Variants in EDA observed in about 807,000 individuals in gnomAD.
The protein encoded by EDA is ectodysplasin-A.
EDA carries 2 observed loss-of-function variants against 23.6 expected under a neutral mutation model. The ratio of observed to expected loss-of-function variants is 0.08; its 90% CI spans 0.03 to 0.27. The LOEUF is 0.27. Ranked by LOEUF, EDA falls within the 10% of genes least tolerant of loss-of-function variation. The pLI, the probability that EDA is intolerant of heterozygous loss-of-function variation, is 1.00. For missense variants in EDA, 229 were observed against 324.2 expected (o/e 0.71, Z 2.26); for synonymous variants, 131 against 132.0 (o/e 0.99, Z 0.05).
intron 1 of EDA, among the ~76,000 whole-genome samples, chrX:69,691,252 A>G (rs758326535): frequency 1.8e-5 from 2 of 111,723 alleles, no homozygotes; most frequent in African/African-American, 3.2e-5. Flanking sequence ...TGCCTTTAAA[A>G]TTAGATGAAT....
chrX:69,661,331 G>A lies in EDA; in HGVS notation c.396+44627G>A, dbSNP rs961692246. Among the ~76,000 whole-genome samples, 3 of 102,519 alleles carry A rather than the reference G, an allele frequency of 2.9e-5. No individual in the cohort carries two copies. In the East Asian group the frequency reaches 9.8e-4, roughly 33 times the overall value. The allele number at this position is 102,519 out of a possible 115,157, so 89.0% of individuals were successfully genotyped here. A position where few individuals can be genotyped will look rare whatever the true frequency, so the allele number is the denominator to read the frequency against. On this transcript the variant is annotated intron_variant, in intron 1 of 7. Coordinates refer to ENST00000374552, the MANE Select transcript of EDA (RefSeq NM_001399.5). The stretch of plus-strand genomic sequence containing the variant: ...CTCTGATGGTAGTTTCTTTTGCTGT[G>A]CAGAAGCTCTTTAGTTTAATTAGAT...
chrX:69,671,929 A>C (rs1187456756), intron 1 of EDA, among the ~76,000 whole-genome samples: 3 of 112,169 alleles, frequency 2.7e-5, no homozygotes, highest in Non-Finnish European at 5.6e-5. Context: ...AGAGACACTT[A>C]TATAAAGTTT....
At chrX:70,019,970 T>C (rs2020007215) in intron 2 of EDA, among the ~76,000 whole-genome samples, 1 of 111,645 alleles carries the variant, frequency 9.0e-6, no homozygotes, top group African/African-American at 3.3e-5. Flanking sequence ...AGGGAAAAAA[T>C]ATAAAAATTT....
intron 1 of EDA, among the ~76,000 whole-genome samples, chrX:69,625,641 C>T (rs1932355010): frequency 9.0e-6 from 1 of 110,827 alleles, no homozygotes; most frequent in Admixed American, 9.6e-5. Flanking sequence ...AAAAGATGAA[C>T]TTAGATACTC....
At chrX:69,787,481 G>A (rs1265092305) in intron 1 of EDA, among the ~76,000 whole-genome samples, 6 of 102,632 alleles carry the variant, frequency 5.8e-5, no homozygotes, top group African/African-American at 1.0e-4. Context: ...TTTTAGGGCA[G>A]GCCTGGTGGT....
intron 1 of EDA, among the ~76,000 whole-genome samples, chrX:69,701,469 G>GC (rs2011531639): frequency 8.9e-6 from 1 of 112,345 alleles, no homozygotes; most frequent in Non-Finnish European, 1.9e-5. Context: ...CCTTGGGCCT[G>GC]CAGGGCCCCT....
intron 1 of EDA, among the ~76,000 whole-genome samples, chrX:69,893,103 G>C (rs772476159): frequency 3.6e-4 from 40 of 111,349 alleles, no homozygotes; most frequent in African/African-American, 1.3e-3. Context: ...TTCTGAAGGA[G>C]AATCTGTTCA....
chrX:69,618,572 G>A (rs1267852058), intron 1 of EDA, among the ~76,000 whole-genome samples: 1 of 111,610 alleles, frequency 9.0e-6, no homozygotes, highest in African/African-American at 3.3e-5. Context: ...AAAGTGACTT[G>A]CCCAAGGTCA....
At chrX:69,736,343 C>A (rs2013257014) in intron 1 of EDA, among the ~76,000 whole-genome samples, 1 of 110,513 alleles carries the variant, frequency 9.0e-6, no homozygotes, top group African/African-American at 3.3e-5. Context: ...TGTTTGTTTT[C>A]ATTTTTGTTT....
At chrX:69,809,229 A>G (rs1016444628) in intron 1 of EDA, among the ~76,000 whole-genome samples, 2 of 111,826 alleles carry the variant, frequency 1.8e-5, no homozygotes, top group African/African-American at 6.5e-5. Flanking sequence ...ATTTATGGAA[A>G]AAAAGAGGTT....
chrX:69,739,306 A>G (rs1246500426), intron 1 of EDA, among the ~76,000 whole-genome samples: 1 of 111,111 alleles, frequency 9.0e-6, no homozygotes, highest in Non-Finnish European at 1.9e-5. Context: ...TGCCACTCCA[A>G]CATTTTTATG....
chrX:69,690,121 G>T (rs967697622), intron 1 of EDA, among the ~76,000 whole-genome samples: 18 of 111,186 alleles, frequency 1.6e-4, no homozygotes, highest in African/African-American at 3.9e-4. Flanking sequence ...TGCAAACAGA[G>T]AGAGTTTTCT....
At chrX:69,954,663 G>T (rs1009914042) in intron 1 of EDA, among the ~76,000 whole-genome samples, 2 of 111,588 alleles carry the variant, frequency 1.8e-5, no homozygotes, top group African/African-American at 3.3e-5. Context: ...CTATTACGGG[G>T]TTTTTTTAGT....
chrX:69,988,958 AC>A (rs1261036089), intron 2 of EDA, among the ~76,000 whole-genome samples: 2 of 111,622 alleles, frequency 1.8e-5, no homozygotes, highest in Non-Finnish European at 3.8e-5. Flanking sequence ...GGAAAGCTGA[AC>A]CCCCACACCC....
chrX:69,689,557 G>C (rs898520649), intron 1 of EDA, among the ~76,000 whole-genome samples: 3 of 110,289 alleles, frequency 2.7e-5, no homozygotes, highest in Non-Finnish European at 5.7e-5. Flanking sequence ...GGCTGGTCTC[G>C]AACTCCTGAC....
chrX:69,750,826 G>A (rs2013818679), intron 1 of EDA, among the ~76,000 whole-genome samples: 1 of 111,974 alleles, frequency 8.9e-6, no homozygotes, highest in South Asian at 3.7e-4. Flanking sequence ...GTCTTCTTTT[G>A]AGAAGTGTCT....
chrX:69,917,805 T>C (rs771858313), intron 1 of EDA, among the ~76,000 whole-genome samples: 1 of 111,380 alleles, frequency 9.0e-6, no homozygotes, highest in Admixed American at 9.6e-5. Flanking sequence ...GGTTTTCATA[T>C]ACCTTGTGTT....
intron 1 of EDA, among the ~76,000 whole-genome samples, chrX:69,915,734 A>G (rs910966565): frequency 1.8e-5 from 2 of 111,667 alleles, no homozygotes; most frequent in East Asian, 5.6e-4. Flanking sequence ...TAGGGCTTTT[A>G]TGGTCCAGTA....
intron 1 of EDA, among the ~76,000 whole-genome samples, chrX:69,682,291 C>G (rs2147285366): frequency 8.9e-6 from 1 of 112,529 alleles, no homozygotes; most frequent in Admixed American, 9.3e-5. Context: ...TGTGCCCTGC[C>G]CCCAGAGGTG....
Sources: gnomAD v4.1 joint callset for allele counts (sites outside exome capture counted in the v4.1 genomes callset) on GRCh38, gnomAD v4.1.1 for gene constraint, MANE v1.5 for transcripts, NCBI Gene and HGNC (gene_info 2026-07-23, HGNC 2026-07-21) for gene names.